The following RNF214 variants were observed in gnomAD, a reference collection of about 807,000 sequenced individuals.
RNF214 encodes ring finger protein 214.
RNF214 carries 25 observed loss-of-function variants against 75.9 expected under a neutral mutation model. The observed-to-expected ratio is 0.33, with a 90% CI of 0.24 to 0.46. The LOEUF (loss-of-function observed/expected upper bound fraction) is 0.46. RNF214 is among the 20% of genes least tolerant of loss of function. The pLI, the probability that RNF214 is intolerant of heterozygous loss-of-function variation, is 1.00. For synonymous variants in RNF214, 314 were observed against 308.8 expected, an observed-to-expected ratio of 1.02 and a Z score of -0.18; for missense variants, 725 against 857.5, an observed-to-expected ratio of 0.85 and a Z score of 1.93.
chr11:117,279,979 A>G lies in RNF214; in HGVS notation c.1031A>G (p.Glu344Gly). The G allele has an allele frequency of 6.2e-7, 1 of 1,613,458 alleles. No homozygotes were observed. Among genetic ancestry groups the G allele is most frequent in the Non-Finnish European group, 8.5e-7 (1 of 1,179,738 alleles). Residue 344 changes from glutamate (E) to glycine (G), a missense_variant, in exon 7 of 15, where the codon GAG becomes GGG. Coordinates refer to ENST00000300650, the MANE Select transcript of RNF214 (RefSeq NM_207343.4). Reference sequence around the variant, plus strand: ...GAAATAAATAGGAACATTATGGAAGAGACTGAACGGGCCTGGAAGGCAGAG... The same window carrying G: ...GAAATAAATAGGAACATTATGGAAGGGACTGAACGGGCCTGGAAGGCAGAG... ...DGEINRNIME[E>G]TERAWKAEIL...
chr11:117,280,150 A>G (rs1329240081), intron 7 of RNF214, 21 bp from the exon 8 acceptor site: 5 of 1,586,246 alleles, frequency 3.2e-6, no homozygotes, highest in Admixed American at 1.7e-5. Flanking sequence ...TAAAGTATTT[A>G]TATGTGTGTG....
intron 6 of RNF214, among the ~76,000 whole-genome samples, chr11:117,255,688 CTG>C (rs1428212185): frequency 6.6e-6 from 1 of 151,772 alleles, no homozygotes; most frequent in African/African-American, 2.4e-5. Context: ...TTCTTTCTCT[CTG>C]TCACTGGCCA....
chr11:117,266,142 G>A (rs1024690049), intron 6 of RNF214, among the ~76,000 whole-genome samples: 2 of 152,122 alleles, frequency 1.3e-5, no homozygotes. Flanking sequence ...TGTTTGTAAT[G>A]AGAAGTCATG....
intron 5 of RNF214, among the ~76,000 whole-genome samples, chr11:117,246,131 A>AT (rs980055045): frequency 1.3e-5 from 2 of 151,850 alleles, no homozygotes; most frequent in African/African-American, 4.8e-5. Context: ...CACCTGGCTA[A>AT]TTTTTTTTAT....
intron 6 of RNF214, among the ~76,000 whole-genome samples, chr11:117,276,276 A>G (rs1226905708): frequency 6.6e-6 from 1 of 152,182 alleles, no homozygotes; most frequent in South Asian, 2.1e-4. Flanking sequence ...CACAGCCACC[A>G]TCATACTGAA....
chr11:117,246,772 T>C, intron 5 of RNF214, 37 bp from the exon 6 acceptor site: 4 of 1,479,348 alleles, frequency 2.7e-6, no homozygotes, highest in Non-Finnish European at 3.6e-6. Flanking sequence ...TTATTTTCTT[T>C]TTTATTTGTG....
At position 117,285,766 on chromosome 11, in the gene RNF214, T is replaced by C. The variant is rs1232410835; in HGVS notation, c.*615T>C. Reference sequence around the variant, plus strand: ...TTATACAGACATTAGGTTTACAGAATATTCTGTTTTACATCACCAAAATTC... The same window carrying C: ...TTATACAGACATTAGGTTTACAGAACATTCTGTTTTACATCACCAAAATTC... On this transcript the variant is annotated 3_prime_UTR_variant, in exon 15 of 15. Transcript: ENST00000300650. The C allele has an allele frequency of 6.6e-6, 1 of 152,280 alleles. No homozygotes were observed. The highest frequency in any genetic ancestry group is 2.4e-5 in the African/African-American group (1 of 41,446). 9.4% of individuals were successfully genotyped at this position (152,280 alleles called of 1,614,324 possible).
chr11:117,275,447 A>G (rs1424422824), intron 6 of RNF214, among the ~76,000 whole-genome samples: 4 of 152,242 alleles, frequency 2.6e-5, no homozygotes. Flanking sequence ...ACAAAGGATC[A>G]ATAAAATTAA....
At chr11:117,276,305 A>G (rs886318274) in intron 6 of RNF214, among the ~76,000 whole-genome samples, 6 of 152,236 alleles carry the variant, frequency 3.9e-5, no homozygotes, top group Non-Finnish European at 7.3e-5. Flanking sequence ...AGCTGAAAGC[A>G]TTCCCCCTCA....
chr11:117,235,257 C>T (rs552038187), intron 2 of RNF214, among the ~76,000 whole-genome samples: 7 of 152,108 alleles, frequency 4.6e-5, no homozygotes, highest in South Asian at 2.1e-4. Context: ...AGTGCAGTGG[C>T]GCGATCTCGG....
chr11:117,238,581 T>C lies in RNF214; in HGVS notation c.108-20T>C, dbSNP rs1241030335. Reference sequence around the variant, plus strand: ...TTGAAAGTATTATATACTTTTCTTTTTATCTTGTGTGTTTGATAGCACCAA... The same window carrying C: ...TTGAAAGTATTATATACTTTTCTTTCTATCTTGTGTGTTTGATAGCACCAA... On this transcript the variant is annotated intron_variant, in intron 2 of 14. Coordinates refer to ENST00000300650, the MANE Select transcript of RNF214 (RefSeq NM_207343.4). 3 of 1,581,982 alleles carry C rather than the reference T, an allele frequency of 1.9e-6. No homozygotes were observed. Among genetic ancestry groups the C allele is most frequent in the Non-Finnish European group, 2.6e-6 (3 of 1,166,036 alleles).
At position 117,267,066 on chromosome 11, in the gene RNF214, T is replaced by G. The variant is rs2033812153; in HGVS notation, c.960-12842T>G. ...TGTGGTGCCCAGGCTGATCTCAAAC[T>G]CTTGGGCTCAGACAGTGCTCTCATA... On this transcript the variant is annotated intron_variant, in intron 6 of 14. Coordinates refer to ENST00000300650, the MANE Select transcript of RNF214 (RefSeq NM_207343.4). Among the ~76,000 whole-genome samples, 3 of 151,544 alleles carry G rather than the reference T, an allele frequency of 2.0e-5. No individual in the cohort carries two copies. The South Asian group carries it at 6.2e-4, about 31-fold the overall frequency.
At chr11:117,248,653 T>C (rs1430487602) in intron 6 of RNF214, among the ~76,000 whole-genome samples, 1 of 152,172 alleles carries the variant, frequency 6.6e-6, no homozygotes, top group Non-Finnish European at 1.5e-5. Flanking sequence ...ACTGAATGAT[T>C]AGAAGGTGGG....
chr11:117,282,302 T>C, intron 11 of RNF214, 32 bp downstream of exon 11: 1 of 1,579,324 alleles, frequency 6.3e-7, no homozygotes, highest in Non-Finnish European at 8.6e-7. Context: ...TTCAGATGTC[T>C]CTATCAGAGA....
intron 6 of RNF214, among the ~76,000 whole-genome samples, chr11:117,249,291 T>TG (rs2033309553): frequency 6.6e-6 from 1 of 152,156 alleles, no homozygotes; most frequent in Admixed American, 6.6e-5. Flanking sequence ...TTTACATTCT[T>TG]TATGTAACTC....
At chr11:117,252,000 C>G (rs545465258) in intron 6 of RNF214, among the ~76,000 whole-genome samples, 1 of 152,302 alleles carries the variant, frequency 6.6e-6, no homozygotes, top group Admixed American at 6.5e-5. Context: ...TCCTGAGTAG[C>G]TGGAACTACA....
At chr11:117,239,672 C>G in intron 3 of RNF214, 129 bp from the exon 4 acceptor site, 1 of 667,320 alleles carries the variant, frequency 1.5e-6, no homozygotes, top group Middle Eastern at 3.7e-4. Context: ...CATTGCTTAG[C>G]TTGCTTGGAA....
intron 6 of RNF214, among the ~76,000 whole-genome samples, chr11:117,270,648 A>G (rs940476096): frequency 6.7e-6 from 1 of 149,998 alleles, no homozygotes; most frequent in Non-Finnish European, 1.5e-5. Flanking sequence ...GGGTTTTGCC[A>G]TGTTGGTCAG....
At chr11:117,262,026 A>G (rs186517712) in intron 6 of RNF214, among the ~76,000 whole-genome samples, 53 of 147,270 alleles carry the variant, frequency 3.6e-4, no homozygotes, top group African/African-American at 1.0e-3. Flanking sequence ...TTGTTTTTAT[A>G]TGTTGCCAAA....
Sources: gnomAD v4.1 joint callset for allele counts (sites outside exome capture counted in the v4.1 genomes callset) on GRCh38, gnomAD v4.1.1 for gene constraint, MANE v1.5 for transcripts, NCBI Gene and HGNC (gene_info 2026-07-23, HGNC 2026-07-21) for gene names.